The following PARVB variants were observed in gnomAD, a reference collection of about 807,000 sequenced individuals.
The protein encoded by PARVB is parvin beta.
In PARVB, 46 loss-of-function variants were observed where a neutral mutation model predicts 47.0. The observed-to-expected ratio is 0.98, with a 90% CI of 0.77 to 1.25. PARVB has a LOEUF of 1.25. Among genes scored for constraint, PARVB ranks in the 50% most tolerant of loss-of-function variants. The pLI, the probability that PARVB is intolerant of heterozygous loss-of-function variation, is 0.00. For synonymous variants in PARVB, 196 were observed against 196.3 expected, an observed-to-expected ratio of 1.00 and a Z score of 0.01; for missense variants, 473 against 471.6, an observed-to-expected ratio of 1.00 and a Z score of -0.03.
Position 44,125,344 on chromosome 22 carries a change from C to T in PARVB, c.377-6143C>T, listed in dbSNP as rs1216055795. Among the ~76,000 whole-genome samples, 1 of 152,198 alleles carries T rather than the reference C, an allele frequency of 6.6e-6. No individual in the cohort carries two copies. Among genetic ancestry groups the T allele is most frequent in the Admixed American group, 6.5e-5 (1 of 15,288 alleles). ...TGCGCCTGCCCACTCCCCCAGCACA[C>T]ATTCTAGCAGAGTGAAGAAAGAGAA... is the stretch of plus-strand genomic sequence containing the variant. On this transcript the variant is annotated intron_variant, in intron 4 of 12. Coordinates refer to ENST00000338758, the MANE Select transcript of PARVB (RefSeq NM_013327.5). This position sits in a 1 kb window ranked among gnomAD's most constrained non-coding sequence, Gnocchi z 4.1.
At chr22:44,129,941 G>A (rs1411953013) in intron 4 of PARVB, among the ~76,000 whole-genome samples, 2 of 152,234 alleles carry the variant, frequency 1.3e-5, no homozygotes, top group Non-Finnish European at 2.9e-5. Flanking sequence ...GATCGAAGGG[G>A]TATTCCGAGC....
At chr22:44,156,731 A>G (rs2053943563) in intron 10 of PARVB, among the ~76,000 whole-genome samples, 1 of 152,374 alleles carries the variant, frequency 6.6e-6, no homozygotes, top group South Asian at 2.1e-4. Context: ...TTTTACCACA[A>G]TTTAAATTAA....
At chr22:44,034,634 A>G (rs1269161485) in intron 1 of PARVB, among the ~76,000 whole-genome samples, 1 of 150,892 alleles carries the variant, frequency 6.6e-6, no homozygotes, top group East Asian at 1.9e-4. Flanking sequence ...TTTAAAATTA[A>G]TAGAATTGAC....
At chr22:44,126,982 A>T (rs1329918239) in intron 4 of PARVB, among the ~76,000 whole-genome samples, 1 of 152,210 alleles carries the variant, frequency 6.6e-6, no homozygotes, top group Admixed American at 6.5e-5. Context: ...TTAAAGCTGC[A>T]TCTTCCCCTC....
rs528873820 is a variant in PARVB, at chr22:44,069,023, A to G, written c.113-24905A>G. 68 of 1,175,364 alleles carry G rather than the reference A, an allele frequency of 5.8e-5. No individual in the cohort carries two copies. In the East Asian group the frequency reaches 1.4e-3, roughly 25 times the overall value. The allele number at this position is 1,175,364 out of a possible 1,614,324, so 72.8% of individuals were successfully genotyped here. On this transcript the variant is annotated intron_variant, in intron 1 of 12. Transcript: ENST00000338758. Reference sequence around the variant, plus strand: ...GTGACCTTCCTCAAAGGCTCCCCAAAGAGGCTTTCCCTTGAAGTGCAAGTC... The same window carrying G: ...GTGACCTTCCTCAAAGGCTCCCCAAGGAGGCTTTCCCTTGAAGTGCAAGTC...
chr22:44,134,754 G>A (rs2053406664), intron 6 of PARVB, among the ~76,000 whole-genome samples: 1 of 152,170 alleles, frequency 6.6e-6, no homozygotes, highest in African/African-American at 2.4e-5. Context: ...TTCCAGGGTG[G>A]AAGGAAGGAA....
At chr22:44,137,187 G>C (rs1467355943) in intron 7 of PARVB, among the ~76,000 whole-genome samples, 1 of 152,238 alleles carries the variant, frequency 6.6e-6, no homozygotes, top group African/African-American at 2.4e-5. Flanking sequence ...TAATTACTGT[G>C]TTGTGAATTC....
intron 4 of PARVB, among the ~76,000 whole-genome samples, chr22:44,124,989 C>T (rs146710351): frequency 1.4e-3 from 215 of 152,002 alleles, no homozygotes; most frequent in African/African-American, 4.7e-3. Context: ...ACAGAGTTTG[C>T]ACACTCTGCA....
rs761639539 is a variant in PARVB, at chr22:44,168,723, C to T, written c.*45C>T. On this transcript the variant is annotated 3_prime_UTR_variant, in exon 13 of 13. Transcript: ENST00000338758. ...GGCAGGAGTGTCCCAGCAAGAAAGG[C>T]GGCATCCGTCTGTGCCCTGTGCCTT... 2.4e-5 allele frequency: 32 copies of T among 1,345,276 alleles called. No individual in the cohort carries two copies. The highest frequency in any genetic ancestry group is 2.1e-4 in the East Asian group (9 of 43,644). The allele number at this position is 1,345,276 out of a possible 1,614,324, so 83.3% of individuals were successfully genotyped here. A position where few individuals can be genotyped will look rare whatever the true frequency, so the allele number is the denominator to read the frequency against.
intron 4 of PARVB, among the ~76,000 whole-genome samples, chr22:44,128,996 T>G (rs1033643240): frequency 8.5e-5 from 13 of 152,216 alleles, no homozygotes; most frequent in African/African-American, 2.9e-4. Context: ...GAGGATCGCT[T>G]GAACCTGGGA....
chr22:44,016,085 T>C (rs528511932), intron 2 of PARVB, among the ~76,000 whole-genome samples: 1 of 108,542 alleles, frequency 9.2e-6, no homozygotes, highest in South Asian at 3.2e-4. Context: ...CTTTTTCTTT[T>C]TCTTTCTTTC....
intron 2 of PARVB, chr22:44,009,352 G>A (rs954184986): frequency 5.3e-5 from 8 of 152,162 alleles, no homozygotes; most frequent in Non-Finnish European, 1.2e-4. Context: ...TTTAACTGAT[G>A]ATAATGCCTG....
At chr22:44,026,498 G>A (rs2050731975) in intron 1 of PARVB, 1 of 249,350 alleles carries the variant, frequency 4.0e-6, no homozygotes, top group Non-Finnish European at 6.4e-6. Context: ...AGGGTTTAGC[G>A]GCTTCTGTGT....
intron 2 of PARVB, among the ~76,000 whole-genome samples, chr22:44,017,431 A>G (rs1299024032): frequency 6.6e-6 from 1 of 152,168 alleles, no homozygotes; most frequent in Non-Finnish European, 1.5e-5. Flanking sequence ...ATCTGTATAC[A>G]AATTAGGTCT....
At chr22:44,142,392 A>T (rs1242798258) in intron 8 of PARVB, 2 of 146,962 alleles carry the variant, frequency 1.4e-5, no homozygotes, top group Non-Finnish European at 3.0e-5. Flanking sequence ...AAAAAAAAAA[A>T]AAAAAAAAAA....
At chr22:44,134,925 G>T (rs1172041147) in intron 6 of PARVB, among the ~76,000 whole-genome samples, 4 of 152,186 alleles carry the variant, frequency 2.6e-5, no homozygotes, top group Non-Finnish European at 5.9e-5. Context: ...GCACCTGGTG[G>T]GTGCCTCAGG....
At chr22:44,050,741 C>T (rs2051193720) in intron 1 of PARVB, among the ~76,000 whole-genome samples, 1 of 151,862 alleles carries the variant, frequency 6.6e-6, no homozygotes, top group Admixed American at 6.6e-5. Context: ...GCTCAGTGAC[C>T]TTGAGCTCAG....
intron 3 of PARVB, chr22:44,116,171 G>A (rs1486585061): frequency 6.6e-6 from 1 of 152,330 alleles, no homozygotes; most frequent in Non-Finnish European, 1.5e-5. Context: ...ACAGTTTTGA[G>A]GATTACTGCT....
intron 3 of PARVB, chr22:44,104,684 A>G (rs1286751174): frequency 6.6e-6 from 1 of 152,224 alleles, no homozygotes; most frequent in African/African-American, 2.4e-5. Context: ...AGGGGTGAGC[A>G]GGTGTCATTC....
Sources: allele counts gnomAD v4.1 joint callset (sites outside exome capture counted in the v4.1 genomes callset), GRCh38; gene constraint gnomAD v4.1.1; non-coding constraint Gnocchi (gnomAD v3.1); transcripts MANE v1.5; gene names NCBI Gene and HGNC (gene_info 2026-07-23, HGNC 2026-07-21).